DYNAP: variants seen among roughly 807,000 people sequenced by gnomAD.
The protein encoded by DYNAP is dynactin associated protein.
Under a neutral mutation model 8.5 loss-of-function variants are expected in DYNAP, and 7 were observed. The ratio of observed to expected loss-of-function variants is 0.82; its 90% confidence interval spans 0.47 to 1.54. DYNAP has a LOEUF of 1.54. Ranked by LOEUF, DYNAP falls within the 40% of genes most tolerant of loss-of-function variation. The pLI, the probability that DYNAP is intolerant of heterozygous loss-of-function variation, is 0.01. For synonymous variants in DYNAP, 77 were observed against 77.9 expected (o/e 0.99, Z 0.06); for missense variants, 256 against 224.3 (o/e 1.14, Z -0.90).
chr18:54,577,552 G>T, the DYNAP span, among the ~76,000 whole-genome samples: 1 of 143,082 alleles, frequency 7.0e-6, no homozygotes, highest in African/African-American at 2.6e-5. Flanking sequence ...CCACACTCCA[G>T]CCTGGACAGT....
chr18:54,587,501 A>G (rs1910919874), upstream of DYNAP, among the ~76,000 whole-genome samples: 1 of 152,198 alleles, frequency 6.6e-6, no homozygotes, highest in Admixed American at 6.5e-5. Context: ...CATATATTGC[A>G]TATTACACAA....
At chr18:54,592,816 A>G (rs1911133267) in intron 1 of DYNAP, among the ~76,000 whole-genome samples, 1 of 152,138 alleles carries the variant, frequency 6.6e-6, no homozygotes, top group Admixed American at 6.6e-5. Context: ...CAGGTTCCCC[A>G]TCCTTAGTGT....
chr18:54,577,075 A>T, the DYNAP span, among the ~76,000 whole-genome samples: 1 of 152,186 alleles, frequency 6.6e-6, no homozygotes, highest in East Asian at 1.9e-4. Flanking sequence ...CCTTAATTTT[A>T]AAAAGAAATT....
upstream of DYNAP, among the ~76,000 whole-genome samples, chr18:54,586,019 C>T (rs1381645395): frequency 6.6e-6 from 1 of 152,166 alleles, no homozygotes. Flanking sequence ...GTTGAGTTGA[C>T]CCCAATCTCG....
intron 1 of DYNAP, 71 bp downstream of exon 1, chr18:54,591,410 T>A: frequency 1.3e-6 from 2 of 1,515,644 alleles, no homozygotes; most frequent in East Asian, 4.7e-5. Flanking sequence ...AAAAGCAGTT[T>A]AATCTCTTTA....
the DYNAP span, among the ~76,000 whole-genome samples, chr18:54,581,513 T>C: frequency 2.6e-5 from 4 of 152,252 alleles, no homozygotes; most frequent in Admixed American, 1.3e-4. Flanking sequence ...TTCTAATGCA[T>C]AGGCAGGTTT....
In DYNAP at chr18:54,597,808, C is replaced by G; in HGVS notation, c.223-5C>G. On this transcript the variant is annotated splice_polypyrimidine_tract_variant and splice_region_variant and intron_variant, in intron 2 of 2. Coordinates refer to ENST00000648945, the MANE Select transcript of DYNAP (RefSeq NM_173629.3). ...CATTGCTGATATTTTTATATACATG[C>G]TTAGGTAAAAGAATATTGCCGCAAT... 6.3e-7 allele frequency: 1 copy of G among 1,596,586 alleles called. No homozygotes were observed. The highest frequency in any genetic ancestry group is 8.6e-7 in the Non-Finnish European group (1 of 1,168,926).
Position 54,597,869 on chromosome 18 carries a change from CTT to C in DYNAP, c.280_281del (p.Leu94SerfsTer18). 6.2e-7 allele frequency: 1 copy of C among 1,613,544 alleles called. No individual in the cohort carries two copies. The highest frequency in any genetic ancestry group is 8.5e-7 in the Non-Finnish European group (1 of 1,179,684). ...SMWKVFLACL[L>X]ACVIMTAIGV... is the part of the protein sequence containing the mutation. ...TGTGGAAAGTCTTCCTGGCTTGTCTCTTAGCCTGTGTGATAATGACAGCAATT... is the reference window on the plus strand; with the variant it reads ...TGTGGAAAGTCTTCCTGGCTTGTCTCAGCCTGTGTGATAATGACAGCAATT... On this transcript the variant is annotated frameshift_variant, in exon 3 of 3. Coordinates refer to ENST00000648945, the MANE Select transcript of DYNAP (RefSeq NM_173629.3). LOFTEE classifies it low-confidence loss of function (END_TRUNC).
the DYNAP span, among the ~76,000 whole-genome samples, chr18:54,582,490 G>A: frequency 1.3e-5 from 2 of 152,306 alleles, no homozygotes; most frequent in African/African-American, 4.8e-5. Context: ...CACTTAGTCA[G>A]TGGTCAATAT....
rs905366133 is a variant in DYNAP, at chr18:54,598,065, A to G, written c.475A>G (p.Thr159Ala). ...TTCAACTGTACCTGCAAGTACAGCC[A>G]CTGAATCTACAACTTCAACAGCTAC... ...TTSTVPASTATESTTSTATAA... is the reference protein window; with the variant it reads ...TTSTVPASTAAESTTSTATAA... The change falls in exon 3 of 3, where the codon ACT becomes GCT. Residue 159 changes from threonine (T) to alanine (A), a missense_variant. Transcript: ENST00000648945. 10 of 1,612,306 alleles carry G rather than the reference A, an allele frequency of 6.2e-6. No individual in the cohort carries two copies. Among genetic ancestry groups the G allele is most frequent in the Admixed American group, 3.3e-5 (2 of 59,808 alleles).
At chr18:54,581,520 G>A in the DYNAP span, among the ~76,000 whole-genome samples, 1 of 152,220 alleles carries the variant, frequency 6.6e-6, no homozygotes, top group Non-Finnish European at 1.5e-5. Context: ...GCATAGGCAG[G>A]TTTAACAGTC....
At chr18:54,589,957 G>C (rs749379443), upstream of DYNAP, among the ~76,000 whole-genome samples, 26 of 152,208 alleles carry the variant, frequency 1.7e-4, no homozygotes, top group Non-Finnish European at 3.7e-4. Flanking sequence ...TTCAAGAAGA[G>C]TAAATCTTTA....
the DYNAP span, among the ~76,000 whole-genome samples, chr18:54,580,970 A>T: frequency 1.3e-5 from 2 of 152,220 alleles, no homozygotes; most frequent in African/African-American, 4.8e-5. Flanking sequence ...AAAACCTCAC[A>T]AGGAAATCTT....
chr18:54,597,679 C>G (rs62091615), intron 2 of DYNAP, 134 bp from the exon 3 acceptor site: 1 of 936,384 alleles, frequency 1.1e-6, no homozygotes, highest in South Asian at 2.1e-5. Context: ...AAAACATGGA[C>G]TTCAAGCCCA....
Position 54,598,216 on chromosome 18 carries a change from A to C in DYNAP, c.*71A>C. The C allele has an allele frequency of 1.4e-6, 2 of 1,455,522 alleles. No individual in the cohort carries two copies. The highest frequency in any genetic ancestry group is 1.9e-6 in the Non-Finnish European group (2 of 1,064,516). The allele number at this position is 1,455,522 out of a possible 1,614,324, so 90.2% of individuals were successfully genotyped here. ...CCACTTCAACTCAGTTTGCAACTAT[A>C]ATAGCTACTCCTATCACTTCAAGTG... On this transcript the variant is annotated 3_prime_UTR_variant, in exon 3 of 3. Transcript: ENST00000648945.
upstream of DYNAP, among the ~76,000 whole-genome samples, chr18:54,590,985 G>A (rs1352104561): frequency 6.6e-6 from 1 of 152,138 alleles, no homozygotes; most frequent in Non-Finnish European, 1.5e-5. Flanking sequence ...CCTGAATGAT[G>A]GGACTAAAGA....
chr18:54,586,134 G>A (rs1437125317), upstream of DYNAP, among the ~76,000 whole-genome samples: 1 of 152,092 alleles, frequency 6.6e-6, no homozygotes, highest in Non-Finnish European at 1.5e-5. Flanking sequence ...TTCATTCTGA[G>A]CTCTGATTCT....
the DYNAP span, among the ~76,000 whole-genome samples, chr18:54,579,824 A>G: frequency 6.6e-6 from 1 of 152,228 alleles, no homozygotes; most frequent in African/African-American, 2.4e-5. Context: ...ATAAAAGATT[A>G]GTTGCCTTTG....
chr18:54,583,371 A>T (rs1401677642), upstream of DYNAP, among the ~76,000 whole-genome samples: 2 of 152,190 alleles, frequency 1.3e-5, no homozygotes, highest in East Asian at 3.9e-4. Context: ...CTGCTGGGGT[A>T]AGAAGGGCTG....
Sources: gnomAD v4.1 joint callset for allele counts (sites outside exome capture counted in the v4.1 genomes callset) on GRCh38, gnomAD v4.1.1 for gene constraint, MANE v1.5 for transcripts, NCBI Gene and HGNC (gene_info 2026-07-23, HGNC 2026-07-21) for gene names.